LMAN2L: variants seen among roughly 807,000 people sequenced by gnomAD.
LMAN2L encodes the protein VIP36-like protein.
A neutral mutation model predicts 44.3 loss-of-function variants in LMAN2L; 30 were observed. The ratio of observed to expected loss-of-function variants is 0.68; its 90% CI spans 0.51 to 0.92. The LOEUF is 0.92. Ranked by LOEUF, LMAN2L falls within the 40% of genes least tolerant of loss-of-function variation. The pLI is 0.00. For synonymous variants in LMAN2L, 183 were observed against 171.1 expected, an observed-to-expected ratio of 1.07 and a Z score of -0.54; for missense variants, 429 against 446.1, an observed-to-expected ratio of 0.96 and a Z score of 0.35.
chr2:96,713,209 A>G (rs2077966769), intron 4 of LMAN2L: 3 of 1,339,318 alleles, frequency 2.2e-6, no homozygotes, highest in Non-Finnish European at 3.1e-6. Context: ...AGTCAGAAAG[A>G]CACAGCCACA....
At chr2:96,715,815 G>A (rs1387570801) in intron 4 of LMAN2L, among the ~76,000 whole-genome samples, 1 of 152,214 alleles carries the variant, frequency 6.6e-6, no homozygotes, top group Non-Finnish European at 1.5e-5. Context: ...TGTAATTAGG[G>A]AGACCTGAGT....
intron 4 of LMAN2L, among the ~76,000 whole-genome samples, chr2:96,721,171 A>G (rs1180059309): frequency 6.6e-6 from 1 of 151,960 alleles, no homozygotes. Context: ...CCACTAATCT[A>G]CTTTCTGTCT....
In LMAN2L at chr2:96,707,093, C is replaced by T; in HGVS notation, c.*163G>A. On this transcript the variant is annotated 3_prime_UTR_variant, in exon 8 of 8. Coordinates refer to ENST00000264963, the MANE Select transcript of LMAN2L (RefSeq NM_030805.4). ...AGAGTTAGATGTCCCCATGCACAACCATGGGAATGCGGGGTCCCTGCATTC... is the reference window on the plus strand; with the variant it reads ...AGAGTTAGATGTCCCCATGCACAACTATGGGAATGCGGGGTCCCTGCATTC... 1 of 637,488 alleles carries T rather than the reference C, an allele frequency of 1.6e-6. No homozygotes were observed. The highest frequency in any genetic ancestry group is 2.6e-6 in the Non-Finnish European group (1 of 390,078). 39.5% of individuals were successfully genotyped at this position (637,488 alleles called of 1,614,324 possible).
intron 4 of LMAN2L, among the ~76,000 whole-genome samples, chr2:96,732,072 C>CAA (rs2078409855): frequency 6.6e-6 from 1 of 152,016 alleles, no homozygotes; most frequent in African/African-American, 2.4e-5. Flanking sequence ...AGGCTGGTCT[C>CAA]AAACTGCTAA....
At chr2:96,726,146 AAAAG>A (rs2078265823) in intron 4 of LMAN2L, among the ~76,000 whole-genome samples, 4 of 151,722 alleles carry the variant, frequency 2.6e-5, no homozygotes, top group Admixed American at 6.6e-5. Flanking sequence ...AAGAAAAAAA[AAAAG>A]AAATAAACCT....
intron 4 of LMAN2L, among the ~76,000 whole-genome samples, chr2:96,726,073 A>G (rs1361631768): frequency 6.6e-6 from 1 of 151,896 alleles, no homozygotes; most frequent in African/African-American, 2.4e-5. Flanking sequence ...CGGAGGTGGC[A>G]ATGAGCAGAG....
chr2:96,734,306 A>G, intron 3 of LMAN2L, 103 bp downstream of exon 3: 2 of 768,776 alleles, frequency 2.6e-6, no homozygotes, highest in African/African-American at 1.7e-5. Context: ...ATTAAGGGAG[A>G]GGGAAAACAG....
chr2:96,738,976 C>T lies in LMAN2L; in HGVS notation c.187+878G>A, dbSNP rs575421467. Among the ~76,000 whole-genome samples the T allele has an allele frequency of 3.9e-5, 6 of 152,280 alleles. No homozygotes were observed. In the South Asian group the frequency reaches 1.0e-3, roughly 26 times the overall value. Reference sequence around the variant, plus strand: ...TAGGATGGTCTCAATCTCCTGACCTCGTGATCCGCCCACCTCGGCCTCCCA... The same window carrying T: ...TAGGATGGTCTCAATCTCCTGACCTTGTGATCCGCCCACCTCGGCCTCCCA... On this transcript the variant is annotated intron_variant, in intron 1 of 7. Coordinates refer to ENST00000264963, the MANE Select transcript of LMAN2L (RefSeq NM_030805.4).
At chr2:96,722,593 C>G (rs1212257693) in intron 4 of LMAN2L, among the ~76,000 whole-genome samples, 1 of 152,196 alleles carries the variant, frequency 6.6e-6, no homozygotes, top group Non-Finnish European at 1.5e-5. Context: ...TTCACTTGCT[C>G]GCCCACCATT....
intron 4 of LMAN2L, among the ~76,000 whole-genome samples, chr2:96,713,733 G>T (rs1255375521): frequency 6.6e-6 from 1 of 152,186 alleles, no homozygotes; most frequent in Non-Finnish European, 1.5e-5. Context: ...TGAGCCTTAT[G>T]GTCATATATT....
intron 4 of LMAN2L, among the ~76,000 whole-genome samples, chr2:96,728,263 G>A (rs528162725): frequency 1.6e-4 from 24 of 150,482 alleles, no homozygotes; most frequent in South Asian, 4.2e-4. Context: ...CGAGGCGGGC[G>A]GATCACGAGG....
intron 6 of LMAN2L, among the ~76,000 whole-genome samples, chr2:96,708,645 C>A (rs2077840195): frequency 6.6e-6 from 1 of 151,790 alleles, no homozygotes; most frequent in Non-Finnish European, 1.5e-5. Flanking sequence ...CACACGTGCA[C>A]ACACACACAC....
intron 4 of LMAN2L, among the ~76,000 whole-genome samples, chr2:96,723,939 TAA>T (rs1160596972): frequency 6.9e-6 from 1 of 145,870 alleles, no homozygotes; most frequent in Non-Finnish European, 1.5e-5. Flanking sequence ...ACATATATAT[TAA>T]AAAAAAAAAT....
chr2:96,730,466 A>C (rs984297235), intron 4 of LMAN2L, among the ~76,000 whole-genome samples: 3 of 152,034 alleles, frequency 2.0e-5, no homozygotes, highest in Non-Finnish European at 4.4e-5. Context: ...GCTCTCATCT[A>C]AACAGTTCAG....
In LMAN2L at chr2:96,740,060, T is replaced by G. The variant is rs2078605701; in HGVS notation, c.-20A>C. 2.5e-6 allele frequency: 4 copies of G among 1,589,818 alleles called. No individual in the cohort carries two copies. Among genetic ancestry groups the G allele is most frequent in the Non-Finnish European group, 3.4e-6 (4 of 1,168,674 alleles). On this transcript the variant is annotated 5_prime_UTR_variant, in exon 1 of 8. Coordinates refer to ENST00000264963, the MANE Select transcript of LMAN2L (RefSeq NM_030805.4). ...CGCCATCTTTCCCACCAACGACCCT[T>G]CATCAAAAGCCCGCCCCGTCGCCCA...
At position 96,711,864 on chromosome 2, in the gene LMAN2L, C is replaced by T. The variant is rs751372909; in HGVS notation, c.669G>A (p.Thr223=). ...TCTGGTCCAGGACAAGGACTCTCAC[C>T]GTCAAATGCCTCTTGACGTAGCGAA... ...LVIRYVKRHL[T]IMMDIDGKHE... The change falls in exon 5 of 8, where the codon ACG becomes ACA. Residue 223 remains threonine (T), a splice_region_variant and synonymous_variant. Transcript: ENST00000264963. The T allele has an allele frequency of 5.0e-6, 8 of 1,614,166 alleles. No homozygotes were observed. Among genetic ancestry groups the T allele is most frequent in the South Asian group, 3.3e-5 (3 of 91,080 alleles).
At chr2:96,709,332 T>G (rs2077861464) in intron 6 of LMAN2L, among the ~76,000 whole-genome samples, 1 of 152,194 alleles carries the variant, frequency 6.6e-6, no homozygotes, top group Non-Finnish European at 1.5e-5. Flanking sequence ...TATAACTTCC[T>G]TGCTTTTCTG....
intron 6 of LMAN2L, among the ~76,000 whole-genome samples, chr2:96,709,078 C>A (rs1310086855): frequency 6.6e-6 from 1 of 151,796 alleles, no homozygotes; most frequent in Non-Finnish European, 1.5e-5. Context: ...CCACGCCCGG[C>A]TAATTTTTTG....
chr2:96,735,577 G>A (rs910330776), intron 2 of LMAN2L, among the ~76,000 whole-genome samples: 8 of 152,146 alleles, frequency 5.3e-5, no homozygotes, highest in South Asian at 4.1e-4. Flanking sequence ...GGTGGCTCAC[G>A]CCTGTAATCC....
Sources: gnomAD v4.1 joint callset for allele counts (sites outside exome capture counted in the v4.1 genomes callset) on GRCh38, gnomAD v4.1.1 for gene constraint, MANE v1.5 for transcripts, NCBI Gene and HGNC (gene_info 2026-07-23, HGNC 2026-07-21) for gene names.